RAB3C: variants seen among roughly 807,000 people sequenced by gnomAD.
The protein encoded by RAB3C is RAB3C, member RAS oncogene family.
In RAB3C, 17 loss-of-function variants were observed where a neutral mutation model predicts 26.4. That is an observed-to-expected ratio of 0.64 (90% CI 0.44 to 0.97). The LOEUF is 0.97. Among genes scored for constraint, RAB3C ranks in the 50% least tolerant of loss-of-function variants. RAB3C has a pLI of 0.00. For missense variants in RAB3C, 242 were observed against 281.9 expected (o/e 0.86, Z 1.01); for synonymous variants, 91 against 95.9 (o/e 0.95, Z 0.30).
At chr5:58,740,649 G>A (rs1356432422) in intron 3 of RAB3C, among the ~76,000 whole-genome samples, 9 of 151,940 alleles carry the variant, frequency 5.9e-5, no homozygotes, top group East Asian at 1.9e-4. Context: ...ATGAAACCCC[G>A]TCTCTACTAA....
chr5:58,795,739 CT>C (rs1350280001), intron 3 of RAB3C, among the ~76,000 whole-genome samples: 2 of 152,058 alleles, frequency 1.3e-5, no homozygotes, highest in Admixed American at 1.3e-4. Flanking sequence ...CAGCAGCACA[CT>C]CACTCACTGG....
chr5:58,750,829 TCCTC>T (rs1329351230), intron 3 of RAB3C, among the ~76,000 whole-genome samples: 3 of 152,076 alleles, frequency 2.0e-5, no homozygotes, highest in Non-Finnish European at 4.4e-5. Context: ...CTTCCTTCCT[TCCTC>T]CCTCCCTCAT....
At chr5:58,658,426 T>G (rs1747826363) in intron 2 of RAB3C, among the ~76,000 whole-genome samples, 2 of 152,158 alleles carry the variant, frequency 1.3e-5, no homozygotes. Context: ...AGGAAAGGAT[T>G]GTGGGAAAGG....
chr5:58,582,896 C>A, upstream of RAB3C: 1 of 470,602 alleles, frequency 2.1e-6, no homozygotes, highest in Non-Finnish European at 3.6e-6. Context: ...AGTAGGGAGG[C>A]TCCGCGGCCG....
At chr5:58,806,647 CTCTA>C (rs1742945658) in intron 3 of RAB3C, among the ~76,000 whole-genome samples, 1 of 152,112 alleles carries the variant, frequency 6.6e-6, no homozygotes, top group South Asian at 2.1e-4. Flanking sequence ...CATCTCTGGC[CTCTA>C]TCTATGACAT....
At chr5:58,828,927 G>A (rs1488255062) in intron 4 of RAB3C, among the ~76,000 whole-genome samples, 2 of 124,452 alleles carry the variant, frequency 1.6e-5, no homozygotes, top group Non-Finnish European at 3.3e-5. Context: ...TTTTTTGGAT[G>A]GAGTCTCGTT....
In RAB3C at chr5:58,801,770, G is replaced by A. The variant is rs758291005; in HGVS notation, c.372-23268G>A. Among the ~76,000 whole-genome samples, 34 of 152,208 alleles carry A rather than the reference G, an allele frequency of 2.2e-4. 1 individual carries two copies. Among genetic ancestry groups the A allele is most frequent in the Non-Finnish European group, 1.0e-4 (7 of 68,040 alleles). On this transcript the variant is annotated intron_variant, in intron 3 of 4. Coordinates refer to ENST00000282878, the MANE Select transcript of RAB3C (RefSeq NM_138453.4). ...GCAATGTAAATAACTTGTAATACCA[G>A]GACCACTTTGTCAGCAACCAGCAAA...
intron 2 of RAB3C, among the ~76,000 whole-genome samples, chr5:58,683,264 T>C (rs971068984): frequency 1.3e-5 from 2 of 152,238 alleles, no homozygotes; most frequent in Non-Finnish European, 2.9e-5. Flanking sequence ...CTTGAAAATA[T>C]GTGATTTAGA....
At chr5:58,697,067 T>A (rs1748716559) in intron 2 of RAB3C, among the ~76,000 whole-genome samples, 1 of 152,238 alleles carries the variant, frequency 6.6e-6, no homozygotes, top group South Asian at 2.1e-4. Flanking sequence ...TTTAGTGCTA[T>A]AAATTTCCCT....
At position 58,856,459 on chromosome 5, in the gene RAB3C, G is replaced by A. The variant is rs1347473496; in HGVS notation, c.*5108G>A. 1.3e-5 allele frequency: 2 copies of A among 151,962 alleles called. No individual in the cohort carries two copies. The highest frequency in any genetic ancestry group is 2.4e-5 in the African/African-American group (1 of 41,364). The allele number at this position is 151,962 out of a possible 1,614,324, so 9.4% of individuals were successfully genotyped here. A position where few individuals can be genotyped will look rare whatever the true frequency, so the allele number is the denominator to read the frequency against. ...CAGTTTTTCAAAACACTATCCTCAT[G>A]GAATGACAGGACCAAGAATAGAAAA... On this transcript the variant is annotated 3_prime_UTR_variant, in exon 5 of 5. Coordinates refer to ENST00000282878, the MANE Select transcript of RAB3C (RefSeq NM_138453.4).
Position 58,592,517 on chromosome 5 carries a change from A to G in RAB3C, c.24+9285A>G, listed in dbSNP as rs1356898720. Among the ~76,000 whole-genome samples the G allele has an allele frequency of 5.9e-5, 9 of 152,098 alleles. No individual in the cohort carries two copies. The East Asian group carries it at 1.7e-3, about 29-fold the overall frequency. ...TGTGTTTGTCTTTCACCTATGTACCATTTCTGGTACATAGTTTCTATCTGG... is the reference window on the plus strand; with the variant it reads ...TGTGTTTGTCTTTCACCTATGTACCGTTTCTGGTACATAGTTTCTATCTGG... On this transcript the variant is annotated intron_variant, in intron 1 of 4. Coordinates refer to ENST00000282878, the MANE Select transcript of RAB3C (RefSeq NM_138453.4).
At chr5:58,773,986 G>T (rs780408998) in intron 3 of RAB3C, among the ~76,000 whole-genome samples, 45 of 151,986 alleles carry the variant, frequency 3.0e-4, no homozygotes, top group Non-Finnish European at 5.0e-4. Context: ...CATTAACAGT[G>T]CCCAGAGCAG....
intron 3 of RAB3C, among the ~76,000 whole-genome samples, chr5:58,814,935 A>G (rs2112045043): frequency 6.6e-6 from 1 of 152,292 alleles, no homozygotes; most frequent in East Asian, 1.9e-4. Context: ...TAGGTGGATC[A>G]AGAACACTGC....
At chr5:58,824,790 A>C (rs1743436218) in intron 3 of RAB3C, among the ~76,000 whole-genome samples, 1 of 152,186 alleles carries the variant, frequency 6.6e-6, no homozygotes, top group African/African-American at 2.4e-5. Flanking sequence ...AGTGGTATTA[A>C]TCTCATTAAA....
chr5:58,682,008 C>T (rs10055378), intron 2 of RAB3C, among the ~76,000 whole-genome samples: 25,933 of 152,130 alleles, frequency 0.17, 2,305 homozygotes, highest in African/African-American at 0.2. Flanking sequence ...AAGAGGAAAA[C>T]AAGGTTTCCA....
intron 2 of RAB3C, among the ~76,000 whole-genome samples, chr5:58,628,991 T>G (rs557958494): frequency 9.1e-6 from 1 of 109,420 alleles, no homozygotes; most frequent in South Asian, 3.2e-4. Context: ...AGAAGTTCAA[T>G]ACCAGCTTGG....
chr5:58,839,681 T>G (rs1171015159), intron 4 of RAB3C, among the ~76,000 whole-genome samples: 1 of 152,138 alleles, frequency 6.6e-6, no homozygotes, highest in African/African-American at 2.4e-5. Context: ...GATTCCTTTC[T>G]CTTTTTTCCT....
At chr5:58,766,655 A>T (rs896514351) in intron 3 of RAB3C, among the ~76,000 whole-genome samples, 3 of 152,132 alleles carry the variant, frequency 2.0e-5, no homozygotes, top group African/African-American at 4.8e-5. Context: ...CACCATGACT[A>T]TGTTAGTGAA....
At chr5:58,711,235 A>C (rs1749054087) in intron 2 of RAB3C, among the ~76,000 whole-genome samples, 1 of 152,210 alleles carries the variant, frequency 6.6e-6, no homozygotes, top group Non-Finnish European at 1.5e-5. Flanking sequence ...GATGAGCAAG[A>C]AACAATGTTC....
Sources: gnomAD v4.1 joint callset for allele counts (sites outside exome capture counted in the v4.1 genomes callset) on GRCh38, gnomAD v4.1.1 for gene constraint, MANE v1.5 for transcripts, NCBI Gene and HGNC (gene_info 2026-07-23, HGNC 2026-07-21) for gene names.